Variants in PLXNA4 observed in about 807,000 individuals in gnomAD.
PLXNA4 encodes plexin-A4.
In PLXNA4, 44 loss-of-function variants were observed where a neutral mutation model predicts 191.8. That is an observed-to-expected ratio of 0.23 (90% CI 0.18 to 0.29). The LOEUF is 0.29. Ranked by LOEUF, PLXNA4 falls within the 10% of genes least tolerant of loss-of-function variation. The probability of loss-of-function intolerance (pLI) is 1.00; values close to 1 mark genes in which losing one functional copy is unlikely to be tolerated. For missense variants in PLXNA4, 1,800 were observed against 2,488.8 expected (o/e 0.72, Z 5.89); for synonymous variants, 1,082 against 1,009.5 (o/e 1.07, Z -1.36).
intron 3 of PLXNA4, among the ~76,000 whole-genome samples, chr7:132,336,037 G>A (rs1802802114): frequency 6.6e-6 from 1 of 152,192 alleles, no homozygotes; most frequent in African/African-American, 2.4e-5. Context: ...GAACTTAGAG[G>A]AATGATAGCA....
At chr7:132,268,786 C>A (rs1799950416) in intron 4 of PLXNA4, among the ~76,000 whole-genome samples, 1 of 152,142 alleles carries the variant, frequency 6.6e-6, no homozygotes, top group Non-Finnish European at 1.5e-5. Flanking sequence ...CTCAGTTGAC[C>A]AAGGAATGTT....
chr7:132,152,341 C>T (rs1795670372), intron 25 of PLXNA4, among the ~76,000 whole-genome samples: 1 of 152,178 alleles, frequency 6.6e-6, no homozygotes, highest in Non-Finnish European at 1.5e-5. Context: ...GCCCTGCCAC[C>T]TTAGATATGA....
intron 25 of PLXNA4, among the ~76,000 whole-genome samples, chr7:132,151,409 A>AGG (rs1252349046): frequency 3.3e-4 from 1 of 3,018 alleles, no homozygotes; most frequent in African/African-American, 9.5e-4. Context: ...GAGGAGGAGG[A>AGG]AGGAGGAGGA....
chr7:132,323,270 C>T (rs929525655), intron 3 of PLXNA4, among the ~76,000 whole-genome samples: 1 of 152,162 alleles, frequency 6.6e-6, no homozygotes, highest in Non-Finnish European at 1.5e-5. Context: ...CTGGTGGGCA[C>T]AGGAAACCGA....
intron 3 of PLXNA4, among the ~76,000 whole-genome samples, chr7:132,405,086 G>GTGTA (rs1794159641): frequency 6.6e-6 from 1 of 151,558 alleles, no homozygotes; most frequent in Non-Finnish European, 1.5e-5. Context: ...GTGTGTGTGT[G>GTGTA]TGTGTGCATG....
chr7:132,480,753 C>G (rs1472918603), intron 3 of PLXNA4, among the ~76,000 whole-genome samples: 1 of 152,228 alleles, frequency 6.6e-6, no homozygotes, highest in Non-Finnish European at 1.5e-5. Context: ...CCTGTGGCCA[C>G]CTCCCACTCG....
At chr7:132,604,650 C>T (rs1468245212) in intron 2 of PLXNA4, among the ~76,000 whole-genome samples, 1 of 150,978 alleles carries the variant, frequency 6.6e-6, no homozygotes, top group Non-Finnish European at 1.5e-5. Context: ...GCCCAGCCAA[C>T]TATCTGACTT....
chr7:132,630,238 C>T (rs940306526), intron 2 of PLXNA4, among the ~76,000 whole-genome samples: 2 of 152,110 alleles, frequency 1.3e-5, no homozygotes, highest in East Asian at 3.9e-4. Context: ...TCCTAAAGGC[C>T]CTATCTACAA....
chr7:132,627,269 A>G (rs1028159531), intron 2 of PLXNA4, among the ~76,000 whole-genome samples: 8 of 152,182 alleles, frequency 5.3e-5, no homozygotes. Flanking sequence ...TCAGTTTTAG[A>G]TACCTGTCAA....
chr7:132,284,239 A>G (rs997640201), intron 4 of PLXNA4, among the ~76,000 whole-genome samples: 2 of 152,208 alleles, frequency 1.3e-5, no homozygotes, highest in Non-Finnish European at 2.9e-5. Context: ...ATATTTGACT[A>G]AAGAAAGCTT....
Position 132,250,220 on chromosome 7 carries a change from C to A in PLXNA4, c.1504-9054G>T, listed in dbSNP as rs371100986. 1.4e-3 allele frequency among the ~76,000 whole-genome samples: 214 copies of A among 152,282 alleles called. 8 individuals are homozygous for A. The South Asian group carries it at 0.039, about 28-fold the overall frequency. On this transcript the variant is annotated intron_variant, in intron 4 of 31. Coordinates refer to ENST00000321063, the MANE Select transcript of PLXNA4 (RefSeq NM_020911.2). ...GAATGTATTAGTGTTATGCTAATGG[C>A]AACTCTGTTGTTCCAGCCTCTGCCT...
rs1011610643 is a variant in PLXNA4, at chr7:132,576,433, G to A, written c.-98C>T. 2.0e-6 allele frequency: 2 copies of A among 985,770 alleles called. No individual in the cohort carries two copies. Among genetic ancestry groups the A allele is most frequent in the Non-Finnish European group, 2.4e-6 (2 of 830,050 alleles). The allele number at this position is 985,770 out of a possible 1,614,324, so 61.1% of individuals were successfully genotyped here. On this transcript the variant is annotated 5_prime_UTR_variant, in exon 1 of 32. Transcript: ENST00000321063. This position sits in a 1 kb window ranked among gnomAD's most constrained non-coding sequence, Gnocchi z 5.8. The stretch of plus-strand genomic sequence containing the variant: ...GGCCGGCTCCTTACCTGGACGCGCC[G>A]CGTTTCCCTCCTTCAGCGGGAGCGC...
At chr7:132,472,152 A>G (rs1796956912) in intron 3 of PLXNA4, among the ~76,000 whole-genome samples, 1 of 152,204 alleles carries the variant, frequency 6.6e-6, no homozygotes, top group Non-Finnish European at 1.5e-5. Flanking sequence ...TTTCCGATTC[A>G]ATCTGCATAC....
At chr7:132,203,028 G>T (rs539135350) in intron 11 of PLXNA4, among the ~76,000 whole-genome samples, 192 bp from the exon 12 acceptor site, 1 of 152,152 alleles carries the variant, frequency 6.6e-6, no homozygotes, top group Non-Finnish European at 1.5e-5. Context: ...GACTGAAATG[G>T]GAAGCTCTGG....
At chr7:132,483,529 A>T (rs1563125409) in intron 3 of PLXNA4, among the ~76,000 whole-genome samples, 1 of 152,202 alleles carries the variant, frequency 6.6e-6, no homozygotes, top group South Asian at 2.1e-4. Flanking sequence ...CTTCAATTGC[A>T]TGTGTCACTG....
At chr7:132,555,823 A>C (rs1376287670) in intron 1 of PLXNA4, among the ~76,000 whole-genome samples, 2 of 152,262 alleles carry the variant, frequency 1.3e-5, no homozygotes, top group Non-Finnish European at 2.9e-5. Flanking sequence ...AGGGCTGGTG[A>C]CTTAGCCTTT....
intron 2 of PLXNA4, among the ~76,000 whole-genome samples, chr7:132,633,301 T>A (rs2342804): frequency 2.9e-5 from 3 of 105,024 alleles, no homozygotes; most frequent in African/African-American, 7.2e-5. Context: ...TTTTTTTTTT[T>A]AAGACGGAGT....
At position 132,128,622 on chromosome 7, in the gene PLXNA4, ACACATACATGTGCTCACACACATGTG is replaced by A. The variant is rs2116480730; in HGVS notation, c.*1831_*1856del. On this transcript the variant is annotated 3_prime_UTR_variant, in exon 32 of 32. Coordinates refer to ENST00000321063, the MANE Select transcript of PLXNA4 (RefSeq NM_020911.2). ...CTACACCTGGGGCAGACACACACACACACATACATGTGCTCACACACATGTGCACATATTCATATCCAAAGGGGCAA... is the reference window on the plus strand; with the variant it reads ...CTACACCTGGGGCAGACACACACACACACATATTCATATCCAAAGGGGCAA... 1 of 152,356 alleles carries A rather than the reference ACACATACATGTGCTCACACACATGTG, an allele frequency of 6.6e-6. No individual in the cohort carries two copies. The highest frequency in any genetic ancestry group is 2.1e-4 in the South Asian group (1 of 4,828). The allele number at this position is 152,356 out of a possible 1,614,324, so 9.4% of individuals were successfully genotyped here.
chr7:132,519,529 G>A (rs1443960210), intron 1 of PLXNA4, among the ~76,000 whole-genome samples: 6 of 152,216 alleles, frequency 3.9e-5, no homozygotes, highest in Non-Finnish European at 7.3e-5. Context: ...TCTCGTGCAT[G>A]TGGCCTGAGG....
Sources: allele counts gnomAD v4.1 joint callset (sites outside exome capture counted in the v4.1 genomes callset), GRCh38; gene constraint gnomAD v4.1.1; non-coding constraint Gnocchi (gnomAD v3.1); transcripts MANE v1.5; gene names NCBI Gene and HGNC (gene_info 2026-07-23, HGNC 2026-07-21).